MALRD1: variants seen among roughly 807,000 people sequenced by gnomAD.
MALRD1 encodes the protein MAM and LDL receptor class A domain containing 1, also known as MAM and LDL-receptor class A domain-containing protein 1.
Under a neutral mutation model 242.1 loss-of-function variants are expected in MALRD1, and 247 were observed. That is an observed-to-expected ratio of 1.02 (90% CI 0.92 to 1.13). MALRD1 has a LOEUF of 1.13. MALRD1 is among the 50% of genes most tolerant of loss of function. MALRD1 has a pLI of 0.00. For missense variants in MALRD1, 2,989 were observed against 2,533.1 expected, an observed-to-expected ratio of 1.18 and a Z score of -3.86; for synonymous variants, 995 against 866.6, an observed-to-expected ratio of 1.15 and a Z score of -2.60.
At chr10:19,148,991 G>A (rs1210622399) in intron 11 of MALRD1, among the ~76,000 whole-genome samples, 3 of 151,716 alleles carry the variant, frequency 2.0e-5, no homozygotes, top group Admixed American at 1.3e-4. Context: ...TAATAATTCC[G>A]ATATCTAAGA....
chr10:19,309,929 A>G (rs944633718), intron 21 of MALRD1, among the ~76,000 whole-genome samples: 1 of 151,524 alleles, frequency 6.6e-6, no homozygotes, highest in African/African-American at 2.4e-5. Context: ...ACCTAAATCC[A>G]AAGGGACAAG....
At position 19,419,823 on chromosome 10, in the gene MALRD1, T is replaced by C. The variant is rs1041825087; in HGVS notation, c.4845+30214T>C. 7.9e-5 allele frequency among the ~76,000 whole-genome samples: 12 copies of C among 152,234 alleles called. 1 individual carries two copies. The South Asian group carries it at 1.5e-3, about 18-fold the overall frequency. ...AATAGTCGTCAACTTTTCTTATTCGTAAAGCTTAGAACCAGGCATGATAAA... is the reference window on the plus strand; with the variant it reads ...AATAGTCGTCAACTTTTCTTATTCGCAAAGCTTAGAACCAGGCATGATAAA... On this transcript the variant is annotated intron_variant, in intron 28 of 39. Transcript: ENST00000454679.
chr10:19,106,027 AT>A (rs912926815), intron 5 of MALRD1, among the ~76,000 whole-genome samples: 4 of 151,752 alleles, frequency 2.6e-5, no homozygotes, highest in African/African-American at 9.7e-5. Context: ...ATGTAATCTC[AT>A]TTTTTTAAAA....
intron 26 of MALRD1, 134 bp from the exon 27 acceptor site, chr10:19,387,394 G>T: frequency 9.6e-7 from 1 of 1,046,090 alleles, no homozygotes; most frequent in Non-Finnish European, 1.3e-6. Context: ...GAGAGATGGG[G>T]TTCAGGTACC....
rs138438858 is a variant in MALRD1 at position 19,157,588 on chromosome 10, C to G, written c.1656+2416C>G. The stretch of plus-strand genomic sequence containing the variant: ...AAAGTTACAGAATAAGCAAACAGAA[C>G]GAATTCTTACCTTCTTGGGTAACTG... On this transcript the variant is annotated intron_variant, in intron 12 of 39. Transcript: ENST00000454679. Among the ~76,000 whole-genome samples the G allele has an allele frequency of 2.7e-3, 408 of 152,186 alleles. 4 individuals are homozygous for G. Among genetic ancestry groups the G allele is most frequent in the African/African-American group, 9.3e-3 (385 of 41,536 alleles).
chr10:19,704,397 T>C (rs1184276875), intron 38 of MALRD1, among the ~76,000 whole-genome samples: 5 of 152,176 alleles, frequency 3.3e-5, no homozygotes. Context: ...TTTGTATTAT[T>C]ACATGGCAAA....
intron 18 of MALRD1, among the ~76,000 whole-genome samples, chr10:19,240,907 TG>T (rs1838736861): frequency 6.6e-6 from 1 of 152,190 alleles, no homozygotes; most frequent in Non-Finnish European, 1.5e-5. Context: ...ATCCCTGGGA[TG>T]AATCCCACTT....
At chr10:19,305,062 A>G (rs935265742) in intron 21 of MALRD1, among the ~76,000 whole-genome samples, 18 of 151,696 alleles carry the variant, frequency 1.2e-4, no homozygotes. Context: ...TAGCATTACT[A>G]TGCAAATCCT....
At chr10:19,052,357 C>CT (rs926459789) in intron 1 of MALRD1, among the ~76,000 whole-genome samples, 8 of 151,992 alleles carry the variant, frequency 5.3e-5, no homozygotes, top group East Asian at 1.9e-4. Context: ...GTAAATGTTA[C>CT]TTTTTTTTGT....
At chr10:19,387,478 A>G in intron 26 of MALRD1, 50 bp from the exon 27 acceptor site, 2 of 1,513,392 alleles carry the variant, frequency 1.3e-6, no homozygotes, top group South Asian at 1.3e-5. Flanking sequence ...GACCTCACTG[A>G]ATGTGTTAGG....
intron 21 of MALRD1, among the ~76,000 whole-genome samples, chr10:19,312,456 A>C (rs1397042713): frequency 6.7e-6 from 1 of 149,810 alleles, no homozygotes; most frequent in Non-Finnish European, 1.5e-5. Context: ...GTGTATATGT[A>C]TATGTATAAT....
intron 28 of MALRD1, among the ~76,000 whole-genome samples, chr10:19,395,639 C>G (rs1846544398): frequency 6.6e-6 from 1 of 152,120 alleles, no homozygotes; most frequent in African/African-American, 2.4e-5. Flanking sequence ...GATTTATTTT[C>G]TTTTCACAAA....
chr10:19,299,412 A>G (rs1376631970), intron 21 of MALRD1, among the ~76,000 whole-genome samples: 1 of 151,928 alleles, frequency 6.6e-6, no homozygotes, highest in Non-Finnish European at 1.5e-5. Context: ...TGAGCCAGCA[A>G]TGATCAAAAA....
intron 36 of MALRD1, among the ~76,000 whole-genome samples, chr10:19,658,732 C>G (rs1424982589): frequency 1.3e-5 from 2 of 152,118 alleles, no homozygotes; most frequent in African/African-American, 4.8e-5. Flanking sequence ...TTCTATTACT[C>G]TCTCCTATTT....
chr10:19,543,768 C>T (rs543136636), intron 32 of MALRD1, among the ~76,000 whole-genome samples: 2 of 152,266 alleles, frequency 1.3e-5, no homozygotes, highest in East Asian at 3.9e-4. Context: ...TTTGTATCAA[C>T]TTACTCCCTA....
chr10:19,672,141 G>T (rs545100707), intron 36 of MALRD1, among the ~76,000 whole-genome samples: 4 of 151,812 alleles, frequency 2.6e-5, no homozygotes, highest in Admixed American at 1.3e-4. Context: ...ACCTCCAGCC[G>T]CATCTTCACA....
At chr10:19,206,016 G>A (rs1320639260) in intron 17 of MALRD1, among the ~76,000 whole-genome samples, 1 of 149,680 alleles carries the variant, frequency 6.7e-6, no homozygotes, top group African/African-American at 2.4e-5. Context: ...TTTTAAAATT[G>A]AAGATAGTTG....
intron 4 of MALRD1, among the ~76,000 whole-genome samples, chr10:19,103,567 A>C (rs1415200331): frequency 2.2e-5 from 3 of 138,668 alleles, no homozygotes. Flanking sequence ...AAAAAAAAAT[A>C]AATAAAGATT....
chr10:19,586,993 G>T (rs1443521231), intron 33 of MALRD1, among the ~76,000 whole-genome samples: 1 of 152,208 alleles, frequency 6.6e-6, no homozygotes, highest in Non-Finnish European at 1.5e-5. Context: ...GATTTTCCAG[G>T]TGCCGTCTGT....
Sources: gnomAD v4.1 joint callset for allele counts (sites outside exome capture counted in the v4.1 genomes callset) on GRCh38, gnomAD v4.1.1 for gene constraint, MANE v1.5 for transcripts, NCBI Gene and HGNC (gene_info 2026-07-23, HGNC 2026-07-21) for gene names.